The following POLR3D variants were observed in gnomAD, a reference collection of about 807,000 sequenced individuals.
The protein encoded by POLR3D is RNA polymerase III subunit D, also known as DNA-directed RNA polymerase III subunit RPC4.
Under a neutral mutation model 44.5 loss-of-function variants are expected in POLR3D, and 42 were observed. The ratio of observed to expected loss-of-function variants is 0.94; its 90% CI spans 0.74 to 1.22. The LOEUF is 1.22. POLR3D is among the 50% of genes most tolerant of loss of function. The pLI is 0.00. For synonymous variants in POLR3D, 217 were observed against 198.1 expected (o/e 1.10, Z -0.80); for missense variants, 507 against 505.2 (o/e 1.00, Z -0.03).
Position 22,250,182 on chromosome 8 carries a change from G to C in POLR3D, c.1029G>C (p.Lys343Asn). The change falls in exon 8 of 9, where the codon AAG becomes AAC. Residue 343 changes from lysine (K) to asparagine (N), a missense_variant. Physicochemically the swap from Lys to Asn is moderately conservative, Grantham distance 94 (BLOSUM62 0). Coordinates refer to ENST00000306433, the MANE Select transcript of POLR3D (RefSeq NM_001722.3). ...KSGRVQLLLG[K>N]VTLDVTMGTA... Reference sequence around the variant, plus strand: ...GAAGGGTGCAACTCCTCTTGGGCAAGGTGACTCTGGACGTGACCATGGGAA... The same window carrying C: ...GAAGGGTGCAACTCCTCTTGGGCAACGTGACTCTGGACGTGACCATGGGAA... 6.2e-7 allele frequency: 1 copy of C among 1,614,182 alleles called. No individual in the cohort carries two copies. Among genetic ancestry groups the C allele is most frequent in the Non-Finnish European group, 8.5e-7 (1 of 1,180,038 alleles).
chr8:22,246,374 C>T (rs1830042858), intron 2 of POLR3D, among the ~76,000 whole-genome samples: 1 of 152,034 alleles, frequency 6.6e-6, no homozygotes, highest in Non-Finnish European at 1.5e-5. Context: ...GATCCGCCCG[C>T]CTGCCTCGAC....
At chr8:22,248,907 C>T in intron 6 of POLR3D, 137 bp from the exon 7 acceptor site, 3 of 985,950 alleles carry the variant, frequency 3.0e-6, no homozygotes, top group South Asian at 1.6e-5. Flanking sequence ...TTGTCTCTTG[C>T]CCCTCTGTAT....
In POLR3D at chr8:22,252,621, TC is replaced by T. The variant is rs1378428679; in HGVS notation, c.*2105del. On this transcript the variant is annotated 3_prime_UTR_variant, in exon 9 of 9. Transcript: ENST00000306433. ...ATAAGTGTGGGAAAAGAGAGGAGAG[TC>T]CACCTTCTTGGTCAGGCCCCTGAGG... 6.6e-5 allele frequency: 10 copies of T among 151,932 alleles called. No homozygotes were observed. The highest frequency in any genetic ancestry group is 2.4e-4 in the African/African-American group (10 of 41,344). 9.4% of individuals were successfully genotyped at this position (151,932 alleles called of 1,614,324 possible).
chr8:22,248,010 T>C lies in POLR3D; in HGVS notation c.361+2T>C. The C allele has an allele frequency of 6.2e-7, 1 of 1,612,796 alleles. No individual in the cohort carries two copies. The highest frequency in any genetic ancestry group is 8.5e-7 in the Non-Finnish European group (1 of 1,179,200). On this transcript the variant is annotated splice_donor_variant, in intron 4 of 8. Coordinates refer to ENST00000306433, the MANE Select transcript of POLR3D (RefSeq NM_001722.3). LOFTEE classifies it high-confidence loss of function. ...CAGCTGAAATGATGAAGAAAAAAGGTATAAGGAAGGAATCAGTGAATTTCA... is the reference window on the plus strand; with the variant it reads ...CAGCTGAAATGATGAAGAAAAAAGGCATAAGGAAGGAATCAGTGAATTTCA...
rs1830117805 is a variant in POLR3D at position 22,252,961 on chromosome 8, G to C, written c.*2443G>C. ...TTTATGTAAGAGTGAGACAGTAGTAGCTTAATAGGGTTGCTTTTAAATTAG... is the reference window on the plus strand; with the variant it reads ...TTTATGTAAGAGTGAGACAGTAGTACCTTAATAGGGTTGCTTTTAAATTAG... On this transcript the variant is annotated 3_prime_UTR_variant, in exon 9 of 9. Coordinates refer to ENST00000306433, the MANE Select transcript of POLR3D (RefSeq NM_001722.3). 1 of 152,144 alleles carries C rather than the reference G, an allele frequency of 6.6e-6. No individual in the cohort carries two copies. The highest frequency in any genetic ancestry group is 2.4e-5 in the African/African-American group (1 of 41,442). The allele number at this position is 152,144 out of a possible 1,614,324, so 9.4% of individuals were successfully genotyped here. A position where few individuals can be genotyped will look rare whatever the true frequency, so the allele number is the denominator to read the frequency against.
rs1162828680 is a variant in POLR3D at position 22,248,961 on chromosome 8, C to A, written c.656-83C>A. ...ACTCCCTGGCTGAGTGACAGTGGAG[C>A]AGACAGGGGCAAAGGGCTGGTAACA... is the stretch of plus-strand genomic sequence containing the variant. On this transcript the variant is annotated intron_variant, in intron 6 of 8. Transcript: ENST00000306433. 5 of 1,479,858 alleles carry A rather than the reference C, an allele frequency of 3.4e-6. No homozygotes were observed. The Admixed American group carries it at 5.2e-5, about 16-fold the overall frequency. The allele number at this position is 1,479,858 out of a possible 1,614,324, so 91.7% of individuals were successfully genotyped here. A position where few individuals can be genotyped will look rare whatever the true frequency, so the allele number is the denominator to read the frequency against.
At position 22,249,316 on chromosome 8, in the gene POLR3D, T is replaced by C; in HGVS notation, c.921+7T>C. On this transcript the variant is annotated splice_region_variant and intron_variant, in intron 7 of 8. Transcript: ENST00000306433. Reference sequence around the variant, plus strand: ...CAAGCAGGAGAAAGACCGAGTACGCTCAGACAGAGGCCTGCGGGAATCAAG... The same window carrying C: ...CAAGCAGGAGAAAGACCGAGTACGCCCAGACAGAGGCCTGCGGGAATCAAG... The C allele has an allele frequency of 6.2e-7, 1 of 1,612,006 alleles. No individual in the cohort carries two copies. The highest frequency in any genetic ancestry group is 8.5e-7 in the Non-Finnish European group (1 of 1,178,520).
At chr8:22,247,802 A>G in intron 3 of POLR3D, 55 bp from the exon 4 acceptor site, 3 of 1,568,632 alleles carry the variant, frequency 1.9e-6, no homozygotes, top group Non-Finnish European at 2.6e-6. Flanking sequence ...GAGTAAGGCC[A>G]GATTTTGGAG....
rs781176325 is a variant in POLR3D, at chr8:22,250,466, A to G, written c.1145A>G (p.Lys382Arg). 6.2e-6 allele frequency: 10 copies of G among 1,614,174 alleles called. No individual in the cohort carries two copies. In the Admixed American group the frequency reaches 1.7e-4, roughly 27 times the overall value. ...ACAGTCCTGGGACACGTGAAGCACA[A>G]ACTTGTATGTTCCCCTGATTTTGAA... The part of the protein sequence containing the change: ...EMTVLGHVKH[K>R]LVCSPDFESL... Residue 382 changes from lysine to arginine, a missense_variant, in exon 9 of 9, where the codon AAA becomes AGA. Physicochemically the swap from Lys to Arg is conservative, Grantham distance 26. Transcript: ENST00000306433.
chr8:22,247,587 C>G (rs902765862), intron 3 of POLR3D, among the ~76,000 whole-genome samples: 9 of 152,282 alleles, frequency 5.9e-5, no homozygotes, highest in Middle Eastern at 3.4e-3. Flanking sequence ...CCCTGAAGTT[C>G]CTTTGCATTT....
In POLR3D at chr8:22,252,217, G is replaced by T. The variant is rs553602826; in HGVS notation, c.*1699G>T. 6.5e-6 allele frequency: 1 copy of T among 153,912 alleles called. No homozygotes were observed. Among genetic ancestry groups the T allele is most frequent in the African/African-American group, 2.4e-5 (1 of 41,588 alleles). 9.5% of individuals were successfully genotyped at this position (153,912 alleles called of 1,614,324 possible). A position where few individuals can be genotyped will look rare whatever the true frequency, so the allele number is the denominator to read the frequency against. ...ACTGTAGAGGACTGGAGCAGAAAGG[G>T]TTCCTTGGAAACCTGTGCTGGGAAG... On this transcript the variant is annotated 3_prime_UTR_variant, in exon 9 of 9. Coordinates refer to ENST00000306433, the MANE Select transcript of POLR3D (RefSeq NM_001722.3).
chr8:22,245,420 G>T, intron 1 of POLR3D, 25 bp from the exon 2 acceptor site: 1 of 1,311,462 alleles, frequency 7.6e-7, no homozygotes, highest in East Asian at 2.8e-5. Context: ...CCCCTCTGGT[G>T]ATCTCGTCGC....
chr8:22,245,340 C>G (rs1830027244), intron 1 of POLR3D, 105 bp from the exon 2 acceptor site: 1 of 814,660 alleles, frequency 1.2e-6, no homozygotes, highest in Non-Finnish European at 1.7e-6. Context: ...TGAGAGGCCA[C>G]TGGAGGGACG....
chr8:22,248,004 A>G lies in POLR3D; in HGVS notation c.357A>G (p.Lys119=), dbSNP rs1830060502. 6.2e-7 allele frequency: 1 copy of G among 1,613,688 alleles called. No homozygotes were observed. The highest frequency in any genetic ancestry group is 1.1e-5 in the South Asian group (1 of 91,058). ...FEQGPAEMMK[K]KGNWDKTVDV... ...AGGGCCCAGCTGAAATGATGAAGAAAAAAGGTATAAGGAAGGAATCAGTGA... is the reference window on the plus strand; with the variant it reads ...AGGGCCCAGCTGAAATGATGAAGAAGAAAGGTATAAGGAAGGAATCAGTGA... Residue 119 remains lysine (K), a synonymous_variant, in exon 4 of 9, where the codon AAA becomes AAG. Coordinates refer to ENST00000306433, the MANE Select transcript of POLR3D (RefSeq NM_001722.3).
chr8:22,251,249 C>G lies in POLR3D; in HGVS notation c.*731C>G, dbSNP rs1355261348. On this transcript the variant is annotated 3_prime_UTR_variant, in exon 9 of 9. Coordinates refer to ENST00000306433, the MANE Select transcript of POLR3D (RefSeq NM_001722.3). ...GAGCTGCTCCCGTCCCCACTCTTGC[C>G]CCTTCCTGCTTTATATCCCGTCCTC... The G allele has an allele frequency of 6.5e-6, 1 of 153,580 alleles. No individual in the cohort carries two copies. The highest frequency in any genetic ancestry group is 2.1e-4 in the South Asian group (1 of 4,826). 9.5% of individuals were successfully genotyped at this position (153,580 alleles called of 1,614,324 possible). A position where few individuals can be genotyped will look rare whatever the true frequency, so the allele number is the denominator to read the frequency against.
At chr8:22,248,387 G>GAGCAGCGGA in intron 5 of POLR3D, 94 bp from the exon 6 acceptor site, 2 of 1,572,048 alleles carry the variant, frequency 1.3e-6, no homozygotes, top group Non-Finnish European at 1.7e-6. Flanking sequence ...GAATCCTGGG[G>GAGCAGCGGA]AGCAGCGGAA....
At position 22,249,716 on chromosome 8, in the gene POLR3D, G is replaced by C. The variant is rs543551102; in HGVS notation, c.922-359G>C. Among the ~76,000 whole-genome samples, 137 of 152,146 alleles carry C rather than the reference G, an allele frequency of 9.0e-4. 1 individual carries two copies. The highest frequency in any genetic ancestry group is 3.2e-3 in the African/African-American group (133 of 41,504). On this transcript the variant is annotated intron_variant, in intron 7 of 8. Transcript: ENST00000306433. ...GTGTGCCTGTAGTCCCCGCTACTTG[G>C]GAGGCTGAGGCGGGGGAATGGCTTG...
chr8:22,249,788 C>T (rs1830084649), intron 7 of POLR3D, among the ~76,000 whole-genome samples: 1 of 152,146 alleles, frequency 6.6e-6, no homozygotes, highest in African/African-American at 2.4e-5. Flanking sequence ...TGCCACTATA[C>T]CCCAACCTTG....
chr8:22,248,362 C>T lies in POLR3D; in HGVS notation c.486+84C>T, dbSNP rs184906200. 8.4e-5 allele frequency: 132 copies of T among 1,577,066 alleles called. No individual in the cohort carries two copies. The East Asian group carries it at 2.5e-3, about 30-fold the overall frequency. On this transcript the variant is annotated intron_variant, in intron 5 of 8. Coordinates refer to ENST00000306433, the MANE Select transcript of POLR3D (RefSeq NM_001722.3). ...GGGAGCCAGGTGAGGGGTAGAAGAGCTTACTGATGTCCTGGAATCCTGGGG... is the reference window on the plus strand; with the variant it reads ...GGGAGCCAGGTGAGGGGTAGAAGAGTTTACTGATGTCCTGGAATCCTGGGG...
Sources: allele counts gnomAD v4.1 joint callset (sites outside exome capture counted in the v4.1 genomes callset), GRCh38; gene constraint gnomAD v4.1.1; transcripts MANE v1.5; gene names NCBI Gene and HGNC (gene_info 2026-07-23, HGNC 2026-07-21).